KSR2: variants seen among roughly 807,000 people sequenced by gnomAD.
KSR2 encodes the protein kinase suppressor of ras 2.
Under a neutral mutation model 107.8 loss-of-function variants are expected in KSR2, and 25 were observed. The ratio of observed to expected loss-of-function variants is 0.23; its 90% confidence interval spans 0.17 to 0.32. The LOEUF is 0.32. Ranked by LOEUF, KSR2 falls within the 10% of genes least tolerant of loss-of-function variation. The probability of loss-of-function intolerance (pLI) is 1.00; values close to 1 mark genes in which losing one functional copy is unlikely to be tolerated. For missense variants in KSR2, 887 were observed against 1,268.9 expected, an observed-to-expected ratio of 0.70 and a Z score of 4.57; for synonymous variants, 480 against 507.0, an observed-to-expected ratio of 0.95 and a Z score of 0.71.
At chr12:117,869,411 G>A (rs1038201039) in intron 1 of KSR2, among the ~76,000 whole-genome samples, 6 of 152,078 alleles carry the variant, frequency 3.9e-5, no homozygotes, top group Non-Finnish European at 7.4e-5. Flanking sequence ...TTTCAGATAA[G>A]GCCAGAGCTC....
At chr12:117,477,011 C>T (rs1871828389) in intron 16 of KSR2, among the ~76,000 whole-genome samples, 1 of 152,198 alleles carries the variant, frequency 6.6e-6, no homozygotes, top group African/African-American at 2.4e-5. Flanking sequence ...AACAACTTAT[C>T]TAACAGATTC....
chr12:117,620,237 C>T (rs139371547), intron 5 of KSR2, among the ~76,000 whole-genome samples: 15 of 152,266 alleles, frequency 9.9e-5, no homozygotes, highest in African/African-American at 3.4e-4. Context: ...TACAAAACCA[C>T]CTTCATCATA....
chr12:117,850,739 G>A (rs976233225), intron 3 of KSR2, among the ~76,000 whole-genome samples: 2 of 151,408 alleles, frequency 1.3e-5, no homozygotes, highest in Non-Finnish European at 2.9e-5. Flanking sequence ...ACCCCAGGAG[G>A]TAGAGGCTGC....
At chr12:117,772,609 AC>A in intron 3 of KSR2, among the ~76,000 whole-genome samples, 1 of 149,952 alleles carries the variant, frequency 6.7e-6, no homozygotes, top group South Asian at 2.1e-4. Context: ...GCACACACAC[AC>A]ATACACACCA....
rs1870996031 is a variant in KSR2 at position 117,463,328 on chromosome 12, A to G, written c.*3871T>C. 6.6e-6 allele frequency: 1 copy of G among 152,204 alleles called. No individual in the cohort carries two copies. The highest frequency in any genetic ancestry group is 1.5e-5 in the Non-Finnish European group (1 of 68,060). The allele number at this position is 152,204 out of a possible 1,614,324, so 9.4% of individuals were successfully genotyped here. A position where few individuals can be genotyped will look rare whatever the true frequency, so the allele number is the denominator to read the frequency against. On this transcript the variant is annotated 3_prime_UTR_variant, in exon 20 of 20. Coordinates refer to ENST00000339824, the MANE Select transcript of KSR2 (RefSeq NM_173598.6). ...TCCAACTTCCTGTTCCTCCCCTGAG[A>G]GCCATATCCAACCCTCTCTATCAAA...
chr12:117,920,921 C>G lies in KSR2; in HGVS notation c.180+47155G>C, dbSNP rs1434879633. ...GCAAACTTGAGAAAATGTGGACTCGCTGTAGGTAGAAACACAACCCTCCTC... is the reference window on the plus strand; with the variant it reads ...GCAAACTTGAGAAAATGTGGACTCGGTGTAGGTAGAAACACAACCCTCCTC... On this transcript the variant is annotated intron_variant, in intron 1 of 19. Transcript: ENST00000339824. Among the ~76,000 whole-genome samples the G allele has an allele frequency of 2.0e-5, 3 of 152,262 alleles. No homozygotes were observed. In the East Asian group the frequency reaches 5.8e-4, roughly 29 times the overall value.
rs1870589568 is a variant in KSR2, at chr12:117,455,795, T to C, written c.*11404A>G. On this transcript the variant is annotated 3_prime_UTR_variant, in exon 20 of 20. Coordinates refer to ENST00000339824, the MANE Select transcript of KSR2 (RefSeq NM_173598.6). Reference sequence around the variant, plus strand: ...TCCTTCGGCTGCTCAACTGTAGGCATTTGAAATCCACCAATGTACCCAAAA... The same window carrying C: ...TCCTTCGGCTGCTCAACTGTAGGCACTTGAAATCCACCAATGTACCCAAAA... 1 of 152,178 alleles carries C rather than the reference T, an allele frequency of 6.6e-6. No individual in the cohort carries two copies. The highest frequency in any genetic ancestry group is 1.5e-5 in the Non-Finnish European group (1 of 68,070). The allele number at this position is 152,178 out of a possible 1,614,324, so 9.4% of individuals were successfully genotyped here.
intron 3 of KSR2, among the ~76,000 whole-genome samples, chr12:117,821,969 G>A (rs1049712930): frequency 5.3e-5 from 8 of 152,050 alleles, no homozygotes; most frequent in African/African-American, 1.4e-4. Flanking sequence ...CAAGAAATAC[G>A]GCTCATAAAG....
chr12:117,857,911 G>A (rs780685495), intron 2 of KSR2, among the ~76,000 whole-genome samples: 43 of 152,276 alleles, frequency 2.8e-4, no homozygotes, highest in Non-Finnish European at 5.3e-4. Context: ...GAAACCCCAC[G>A]TCTTCTCCCG....
At position 117,529,051 on chromosome 12, in the gene KSR2, T is replaced by C. The variant is rs117580886; in HGVS notation, c.1802+1890A>G. Among the ~76,000 whole-genome samples the C allele has an allele frequency of 4.8e-3, 733 of 152,280 alleles. 4 individuals carry two copies. The highest frequency in any genetic ancestry group is 8.1e-3 in the Non-Finnish European group (548 of 68,022). On this transcript the variant is annotated intron_variant, in intron 12 of 19. Transcript: ENST00000339824. The stretch of plus-strand genomic sequence containing the variant: ...CTCCTTTGATTTCAGAGATGTACCA[T>C]GTAAGTCTTTAACAAAGTCCATAAG...
In KSR2 at chr12:117,532,486, T is replaced by C. The variant is rs139921371; in HGVS notation, c.1688-779A>G. ...GATAATCCTCCCATCTCAAGATCCA[T>C]AACTTAATCATATCTTCAAAGTTCC... is the stretch of plus-strand genomic sequence containing the variant. On this transcript the variant is annotated intron_variant, in intron 10 of 19. Transcript: ENST00000339824. Among the ~76,000 whole-genome samples, 348 of 152,344 alleles carry C rather than the reference T, an allele frequency of 2.3e-3. 1 individual carries two copies. Among genetic ancestry groups the C allele is most frequent in the African/African-American group, 8.1e-3 (335 of 41,570 alleles).
intron 4 of KSR2, among the ~76,000 whole-genome samples, chr12:117,726,682 A>C (rs1887438058): frequency 6.6e-6 from 1 of 152,188 alleles, no homozygotes; most frequent in African/African-American, 2.4e-5. Context: ...ATATAGAGCA[A>C]CTTGTCACAC....
intron 3 of KSR2, among the ~76,000 whole-genome samples, chr12:117,825,759 C>G (rs1385470481): frequency 6.6e-6 from 1 of 152,012 alleles, no homozygotes; most frequent in Non-Finnish European, 1.5e-5. Flanking sequence ...AGCAGAGTGC[C>G]TGGGATATAG....
rs747745566 is a variant in KSR2, at chr12:117,786,971, G to A, written c.473-25447C>T. Reference sequence around the variant, plus strand: ...TTGAACCCAGGAGGTGGAGGTTGCCGTGAGCCAAGATCACGCCACTGCACT... The same window carrying A: ...TTGAACCCAGGAGGTGGAGGTTGCCATGAGCCAAGATCACGCCACTGCACT... On this transcript the variant is annotated intron_variant, in intron 3 of 19. Coordinates refer to ENST00000339824, the MANE Select transcript of KSR2 (RefSeq NM_173598.6). 3.0e-4 allele frequency among the ~76,000 whole-genome samples: 45 copies of A among 152,034 alleles called. 1 individual carries two copies. Among genetic ancestry groups the A allele is most frequent in the Admixed American group, 2.4e-3 (37 of 15,278 alleles).
At chr12:117,914,343 C>T (rs1201758449) in intron 1 of KSR2, among the ~76,000 whole-genome samples, 3 of 150,020 alleles carry the variant, frequency 2.0e-5, no homozygotes, top group Non-Finnish European at 4.4e-5. Context: ...GCACGAGAAT[C>T]GCTCGAACCC....
At position 117,864,032 on chromosome 12, in the gene KSR2, A is replaced by T. The variant is rs1566057102; in HGVS notation, c.181-3601T>A. Among the ~76,000 whole-genome samples the T allele has an allele frequency of 1.3e-5, 2 of 152,208 alleles. 1 individual carries two copies. Among genetic ancestry groups the T allele is most frequent in the East Asian group, 3.9e-4 (2 of 5,180 alleles). Reference sequence around the variant, plus strand: ...TCCCATGTATGGTCACACAATCACAACTTCTGGGGATTAGGAGGTAGAAAT... The same window carrying T: ...TCCCATGTATGGTCACACAATCACATCTTCTGGGGATTAGGAGGTAGAAAT... On this transcript the variant is annotated intron_variant, in intron 1 of 19. Coordinates refer to ENST00000339824, the MANE Select transcript of KSR2 (RefSeq NM_173598.6).
At chr12:117,670,819 G>A (rs527552402) in intron 4 of KSR2, among the ~76,000 whole-genome samples, 29 of 152,258 alleles carry the variant, frequency 1.9e-4, no homozygotes, top group African/African-American at 5.8e-4. Flanking sequence ...CCCACGGAAC[G>A]GCAAAGCTGC....
intron 4 of KSR2, among the ~76,000 whole-genome samples, chr12:117,721,310 C>T (rs1250663869): frequency 6.6e-6 from 1 of 152,060 alleles, no homozygotes; most frequent in Non-Finnish European, 1.5e-5. Flanking sequence ...TGGGTAAATG[C>T]TTACGATATA....
At chr12:117,963,851 T>C (rs1896724714) in intron 1 of KSR2, among the ~76,000 whole-genome samples, 2 of 152,164 alleles carry the variant, frequency 1.3e-5, no homozygotes, top group African/African-American at 4.8e-5. Flanking sequence ...GGTTTGTTGT[T>C]CTTGTCCAGC....
Sources: allele counts gnomAD v4.1 joint callset (sites outside exome capture counted in the v4.1 genomes callset), GRCh38; gene constraint gnomAD v4.1.1; transcripts MANE v1.5; gene names NCBI Gene and HGNC (gene_info 2026-07-23, HGNC 2026-07-21).